RECK: variants seen among roughly 807,000 people sequenced by gnomAD.
RECK encodes reversion inducing cysteine rich protein with kazal motifs.
Under a neutral mutation model 115.1 loss-of-function variants are expected in RECK, and 69 were observed. That is an observed-to-expected ratio of 0.60 (90% CI 0.49 to 0.73). The LOEUF (loss-of-function observed/expected upper bound fraction) is 0.73, where lower values mean the gene tolerates loss of function less well. Among genes scored for constraint, RECK ranks in the 30% least tolerant of loss-of-function variants. The probability of loss-of-function intolerance (pLI) is 0.00; values close to 1 mark genes in which losing one functional copy is unlikely to be tolerated. For missense variants in RECK, 1,047 were observed against 1,203.7 expected (o/e 0.87, Z 1.93); for synonymous variants, 414 against 419.7 (o/e 0.99, Z 0.17).
At chr9:36,099,224 TCAACAACAACAACAACAACAACAACAA>T (rs60403523) in intron 10 of RECK, among the ~76,000 whole-genome samples, 1 of 146,870 alleles carries the variant, frequency 6.8e-6, no homozygotes, top group African/African-American at 2.5e-5. Flanking sequence ...AGAACCTGTC[TCAACAACAACAACAACAACAACAACAA>T]CAACAACAAC....
At chr9:36,111,402 G>GT (rs772346998) in intron 15 of RECK, among the ~76,000 whole-genome samples, 4 of 152,050 alleles carry the variant, frequency 2.6e-5, no homozygotes, top group Non-Finnish European at 4.4e-5. Flanking sequence ...CTTTCTTTTT[G>GT]TTTTTTCTGA....
chr9:36,096,830 C>G lies in RECK; in HGVS notation c.1086-3501C>G, dbSNP rs147948177. Among the ~76,000 whole-genome samples, 539 of 152,132 alleles carry G rather than the reference C, an allele frequency of 3.5e-3. 2 individuals carry two copies. The highest frequency in any genetic ancestry group is 0.013 in the African/African-American group (520 of 41,514). On this transcript the variant is annotated intron_variant, in intron 10 of 20. Transcript: ENST00000377966. ...ATGAATTAGACTTCAACCGTAAAATCTTTTGTTTGCCAAAAGACATCATTT... is the reference window on the plus strand; with the variant it reads ...ATGAATTAGACTTCAACCGTAAAATGTTTTGTTTGCCAAAAGACATCATTT...
Position 36,100,556 on chromosome 9 carries a change from C to T in RECK, c.1298+13C>T, listed in dbSNP as rs1159153138. 2 of 1,589,982 alleles carry T rather than the reference C, an allele frequency of 1.3e-6. No individual in the cohort carries two copies. The highest frequency in any genetic ancestry group is 1.7e-6 in the Non-Finnish European group (2 of 1,159,666). ...GTATTATTTGCAAGTAAGTTTCTTTCATCCTAACGATTCTCCAGCTTTAGT... is the reference window on the plus strand; with the variant it reads ...GTATTATTTGCAAGTAAGTTTCTTTTATCCTAACGATTCTCCAGCTTTAGT... On this transcript the variant is annotated intron_variant, in intron 11 of 20. Transcript: ENST00000377966.
intron 13 of RECK, among the ~76,000 whole-genome samples, chr9:36,107,697 A>G (rs1016261402): frequency 2.6e-5 from 4 of 152,146 alleles, no homozygotes; most frequent in African/African-American, 9.7e-5. Context: ...CCCTACAAAT[A>G]AAAAGTTACA....
intron 6 of RECK, among the ~76,000 whole-genome samples, chr9:36,078,466 G>A (rs1450847614): frequency 6.6e-6 from 1 of 152,184 alleles, no homozygotes; most frequent in Non-Finnish European, 1.5e-5. Context: ...ATAATCTTTT[G>A]CGGGAGGGAG....
rs140581680 is a variant in RECK at position 36,123,020 on chromosome 9, T to G, written c.2891T>G (p.Leu964Trp). ...CTTCCCCTCAGCTTGGGCCTTGCCT[T>G]GCACTTGCTCTGGACATATAACTGA... ...LLLPLSLGLA[L>W]HLLWTYN The change falls in exon 21 of 21, where the codon TTG becomes TGG. Residue 964 changes from leucine (L) to tryptophan (W), a missense_variant. By Grantham distance (61) the Leu-to-Trp change is moderately conservative. Coordinates refer to ENST00000377966, the MANE Select transcript of RECK (RefSeq NM_021111.3). 2.5e-6 allele frequency: 4 copies of G among 1,614,012 alleles called. No homozygotes were observed. In the African/African-American group the frequency reaches 5.3e-5, roughly 22 times the overall value.
In RECK at chr9:36,124,231, A is replaced by AT. The variant is rs1824560441; in HGVS notation, c.*1190dup. On this transcript the variant is annotated 3_prime_UTR_variant, in exon 21 of 21. Coordinates refer to ENST00000377966, the MANE Select transcript of RECK (RefSeq NM_021111.3). ...CTTGTGTGTATGCACATGAACTTAG[A>AT]TTTTACATGAAGTATTTTTTCAGTA... 1 of 152,612 alleles carries AT rather than the reference A, an allele frequency of 6.6e-6. No homozygotes were observed. Among genetic ancestry groups the AT allele is most frequent in the Non-Finnish European group, 1.5e-5 (1 of 68,030 alleles). 9.5% of individuals were successfully genotyped at this position (152,612 alleles called of 1,614,324 possible). A position where few individuals can be genotyped will look rare whatever the true frequency, so the allele number is the denominator to read the frequency against.
intron 1 of RECK, among the ~76,000 whole-genome samples, chr9:36,046,367 G>C (rs942835312): frequency 1.1e-4 from 17 of 152,168 alleles, no homozygotes; most frequent in African/African-American, 4.1e-4. Flanking sequence ...TTCTCCCATT[G>C]ATAACGAAGT....
In RECK at chr9:36,105,266, C is replaced by T. The variant is rs756000435; in HGVS notation, c.1559C>T (p.Pro520Leu). Residue 520 changes from proline to leucine, a missense_variant, in exon 13 of 21, where the codon CCA becomes CTA. Coordinates refer to ENST00000377966, the MANE Select transcript of RECK (RefSeq NM_021111.3). ...KGCPSGDPCL[P>L]YFCVQGCKLG... is the part of the protein sequence containing the mutation. ...TGTCCATCTGGAGATCCCTGTCTTCCATACTTTTGTGTTCAAGGTAAGAGG... is the reference window on the plus strand; with the variant it reads ...TGTCCATCTGGAGATCCCTGTCTTCTATACTTTTGTGTTCAAGGTAAGAGG... 40 of 1,613,866 alleles carry T rather than the reference C, an allele frequency of 2.5e-5. No homozygotes were observed. Among genetic ancestry groups the T allele is most frequent in the Non-Finnish European group, 3.3e-5 (39 of 1,179,946 alleles).
At chr9:36,049,589 A>C (rs996206125) in intron 1 of RECK, among the ~76,000 whole-genome samples, 1 of 152,208 alleles carries the variant, frequency 6.6e-6, no homozygotes, top group Non-Finnish European at 1.5e-5. Flanking sequence ...CATGCAGCCC[A>C]TGGGCCACCG....
intron 12 of RECK, among the ~76,000 whole-genome samples, chr9:36,104,293 T>TGTGC (rs368760614): frequency 7.5e-4 from 24 of 32,004 alleles, no homozygotes; most frequent in African/African-American, 2.2e-3. Flanking sequence ...TGTGTGTGTG[T>TGTGC]ATATATATAT....
intron 11 of RECK, among the ~76,000 whole-genome samples, chr9:36,101,203 G>A (rs1186091214): frequency 1.3e-5 from 2 of 152,012 alleles, no homozygotes; most frequent in Non-Finnish European, 1.5e-5. Flanking sequence ...CACCCGCCTC[G>A]GCCTCCCTAA....
At chr9:36,108,356 T>C (rs1037764029) in intron 14 of RECK, among the ~76,000 whole-genome samples, 192 bp downstream of exon 14, 1 of 152,174 alleles carries the variant, frequency 6.6e-6, no homozygotes, top group African/African-American at 2.4e-5. Context: ...AAGGGGCTAA[T>C]GGCTAATAAT....
At chr9:36,084,709 G>A (rs1051847963) in intron 8 of RECK, among the ~76,000 whole-genome samples, 7 of 143,742 alleles carry the variant, frequency 4.9e-5, no homozygotes, top group Admixed American at 4.1e-4. Flanking sequence ...AAGAAGGAAG[G>A]AAGGGATGAA....
intron 17 of RECK, among the ~76,000 whole-genome samples, chr9:36,117,718 C>T (rs1055147860): frequency 1.3e-5 from 2 of 152,220 alleles, no homozygotes; most frequent in Non-Finnish European, 2.9e-5. Flanking sequence ...CGCGGTGGCT[C>T]ACGCCTGTAA....
At chr9:36,041,450 C>A (rs568386680) in intron 1 of RECK, among the ~76,000 whole-genome samples, 1 of 152,262 alleles carries the variant, frequency 6.6e-6, no homozygotes, top group African/African-American at 2.4e-5. Context: ...AAGAGGACTT[C>A]AGAAGAGTCA....
At chr9:36,070,059 T>C (rs1271106698) in intron 6 of RECK, among the ~76,000 whole-genome samples, 1 of 152,206 alleles carries the variant, frequency 6.6e-6, no homozygotes, top group Non-Finnish European at 1.5e-5. Flanking sequence ...ATTGCATTAG[T>C]GGAGCCTTTC....
chr9:36,067,737 A>G (rs1409561431), intron 6 of RECK, among the ~76,000 whole-genome samples: 3 of 152,214 alleles, frequency 2.0e-5, no homozygotes, highest in Non-Finnish European at 4.4e-5. Flanking sequence ...CTTTTAGCAT[A>G]ACTCCAAATA....
At chr9:36,112,261 G>A in intron 15 of RECK, 44 bp from the exon 16 acceptor site, 3 of 1,584,488 alleles carry the variant, frequency 1.9e-6, no homozygotes, top group East Asian at 4.5e-5. Flanking sequence ...AAGGGGAGGG[G>A]GAATATACAC....
Sources: allele counts gnomAD v4.1 joint callset (sites outside exome capture counted in the v4.1 genomes callset), GRCh38; gene constraint gnomAD v4.1.1; transcripts MANE v1.5; gene names NCBI Gene and HGNC (gene_info 2026-07-23, HGNC 2026-07-21).